The following KDM4B variants were observed in gnomAD, a reference collection of about 807,000 sequenced individuals.
The protein encoded by KDM4B is lysine demethylase 4B, also known as lysine-specific demethylase 4B.
KDM4B carries 32 observed loss-of-function variants against 125.2 expected under a neutral mutation model. The observed-to-expected ratio is 0.26, with a 90% CI of 0.19 to 0.34. The LOEUF (loss-of-function observed/expected upper bound fraction) is 0.34, where lower values mean the gene tolerates loss of function less well. KDM4B is among the 10% of genes least tolerant of loss of function. The pLI, the probability that KDM4B is intolerant of heterozygous loss-of-function variation, is 1.00. For synonymous variants in KDM4B, 721 were observed against 677.9 expected (o/e 1.06, Z -0.99); for missense variants, 1,190 against 1,577.7 (o/e 0.75, Z 4.16).
rs142258524 is a variant in KDM4B, at chr19:5,042,415, G to A, written c.432+1164G>A. On this transcript the variant is annotated intron_variant, in intron 5 of 22. Transcript: ENST00000159111. ...CTCGGGAGGCTGAGGCAGGAGAATC[G>A]CTTGAACCCGGGAGGTGGAGGTTGC... Among the ~76,000 whole-genome samples, 1,294 of 151,940 alleles carry A rather than the reference G, an allele frequency of 8.5e-3. 18 individuals carry two copies. The highest frequency in any genetic ancestry group is 0.03 in the African/African-American group (1,236 of 41,406).
At chr19:5,100,948 C>T (rs56015842) in intron 9 of KDM4B, among the ~76,000 whole-genome samples, 42,282 of 152,000 alleles carry the variant, frequency 0.28, 6,357 homozygotes, top group East Asian at 0.68. Context: ...TGGCTGGACA[C>T]GGTGGCTCAC....
At chr19:5,148,897 C>T (rs1345664287) in intron 21 of KDM4B, among the ~76,000 whole-genome samples, 1 of 152,230 alleles carries the variant, frequency 6.6e-6, no homozygotes, top group East Asian at 1.9e-4. Flanking sequence ...AGGGTGGCAC[C>T]CATGTCCTTG....
In KDM4B at chr19:5,131,473, G is replaced by A. The variant is rs757984594; in HGVS notation, c.1713G>A (p.Thr571=). The A allele has an allele frequency of 1.8e-5, 28 of 1,598,868 alleles. No homozygotes were observed. Among genetic ancestry groups the A allele is most frequent in the East Asian group, 1.6e-4 (7 of 44,518 alleles). ...AACCAGTTTCCCCCATGGAGCTGAC[G>A]GGGCCAGAGGACGGTGCAGCCAGCA... ...WKEPVSPMEL[T]GPEDGAASSG... Residue 571 remains threonine, a synonymous_variant, in exon 12 of 23, where the codon ACG becomes ACA. Transcript: ENST00000159111.
chr19:5,068,947 C>G (rs1365909197), intron 6 of KDM4B, among the ~76,000 whole-genome samples: 2 of 152,232 alleles, frequency 1.3e-5, no homozygotes, highest in African/African-American at 4.8e-5. Flanking sequence ...CATTAATCAT[C>G]GCAGCCTTGG....
At chr19:5,032,722 CCTCA>C (rs1470400592) in intron 2 of KDM4B, 140 bp from the exon 3 acceptor site, 40 of 671,400 alleles carry the variant, frequency 6.0e-5, no homozygotes, top group Non-Finnish European at 9.0e-5. Flanking sequence ...TCTCTTCTGC[CCTCA>C]CTCAGCCGCG....
chr19:5,049,275 C>T (rs537819590), intron 6 of KDM4B, among the ~76,000 whole-genome samples: 6 of 152,214 alleles, frequency 3.9e-5, no homozygotes, highest in East Asian at 1.9e-4. Flanking sequence ...CACCTCTCCC[C>T]GAATGCCCCT....
At chr19:5,124,036 C>T (rs1415865436) in intron 11 of KDM4B, among the ~76,000 whole-genome samples, 2 of 152,014 alleles carry the variant, frequency 1.3e-5, no homozygotes, top group African/African-American at 2.4e-5. Flanking sequence ...TGGGGGGCTG[C>T]GTGGGCCACC....
intron 1 of KDM4B, among the ~76,000 whole-genome samples, chr19:4,994,283 G>C (rs968901094): frequency 6.6e-6 from 1 of 151,524 alleles, no homozygotes; most frequent in Non-Finnish European, 1.5e-5. Context: ...TCTAAAGAGT[G>C]TCCCCTGGCT....
intron 13 of KDM4B, 71 bp from the exon 14 acceptor site, chr19:5,133,812 T>G: frequency 6.6e-7 from 1 of 1,520,854 alleles, no homozygotes; most frequent in Non-Finnish European, 9.1e-7. Flanking sequence ...CCCTGGGCAG[T>G]TGGGGTGATT....
intron 9 of KDM4B, among the ~76,000 whole-genome samples, chr19:5,090,065 C>T (rs1003616743): frequency 2.0e-5 from 3 of 152,160 alleles, no homozygotes; most frequent in South Asian, 2.1e-4. Flanking sequence ...AGCCTGGCCC[C>T]CTTCCTCCCT....
chr19:4,994,020 G>GTTTTTTTTTTTTTTTTTTTTTTTTTTTT (rs55641886), intron 1 of KDM4B, among the ~76,000 whole-genome samples: 23 of 66,678 alleles, frequency 3.4e-4, no homozygotes, highest in South Asian at 5.7e-4. Flanking sequence ...TTTTCAGCCT[G>GTTTTTTTTTTTTTTTTTTTTTTTTTTTT]TTTTTTTTTT....
chr19:5,136,698 C>A (rs2039654621), intron 15 of KDM4B, among the ~76,000 whole-genome samples: 1 of 152,188 alleles, frequency 6.6e-6, no homozygotes, highest in Admixed American at 6.5e-5. Flanking sequence ...CGCCCCCAGC[C>A]TCTTCAGTGG....
At chr19:5,130,052 T>C (rs1428840043) in intron 11 of KDM4B, among the ~76,000 whole-genome samples, 1 of 152,196 alleles carries the variant, frequency 6.6e-6, no homozygotes, top group Non-Finnish European at 1.5e-5. Context: ...TAGAGGCCCC[T>C]GCATCCCTCA....
chr19:5,096,732 G>A (rs2038832826), intron 9 of KDM4B, among the ~76,000 whole-genome samples: 1 of 149,048 alleles, frequency 6.7e-6, no homozygotes, highest in African/African-American at 2.5e-5. Context: ...GGTGGAGGAA[G>A]TGTCCCGCGG....
At position 4,971,515 on chromosome 19, in the gene KDM4B, G is replaced by T. The variant is rs2034258380; in HGVS notation, c.-109+2285G>T. Among the ~76,000 whole-genome samples, 1 of 152,170 alleles carries T rather than the reference G, an allele frequency of 6.6e-6. No individual in the cohort carries two copies. The highest frequency in any genetic ancestry group is 2.1e-4 in the South Asian group (1 of 4,830). The stretch of plus-strand genomic sequence containing the variant: ...AGCTCTGGGGAAGCCATCTGTCCTC[G>T]GTTCCATCTGACACCTGTGGGGACG... On this transcript the variant is annotated intron_variant, in intron 1 of 22. Coordinates refer to ENST00000159111, the MANE Select transcript of KDM4B (RefSeq NM_015015.3). This position sits in a 1 kb window ranked among gnomAD's most constrained non-coding sequence, Gnocchi z 4.1.
chr19:5,040,019 G>T lies in KDM4B; in HGVS notation c.317+8G>T. 15 of 1,604,908 alleles carry T rather than the reference G, an allele frequency of 9.3e-6. No individual in the cohort carries two copies. The highest frequency in any genetic ancestry group is 1.2e-5 in the Non-Finnish European group (14 of 1,174,454). On this transcript the variant is annotated splice_region_variant and intron_variant, in intron 4 of 22. Coordinates refer to ENST00000159111, the MANE Select transcript of KDM4B (RefSeq NM_015015.3). The stretch of plus-strand genomic sequence containing the variant: ...CCTGGCCAACAGCGAGAAGTACGCG[G>T]GGCGGGCAGGGCGGACCTGACCCCC...
intron 11 of KDM4B, among the ~76,000 whole-genome samples, chr19:5,127,926 C>CA (rs1189798235): frequency 1.3e-5 from 2 of 150,488 alleles, no homozygotes; most frequent in East Asian, 4.0e-4. Context: ...GGGGACTCCC[C>CA]AGGGACCCTC....
rs1003593804 is a variant in KDM4B at position 5,035,549 on chromosome 19, G to T, written c.141+2518G>T. Among the ~76,000 whole-genome samples the T allele has an allele frequency of 6.6e-6, 1 of 152,000 alleles. No homozygotes were observed. Among genetic ancestry groups the T allele is most frequent in the Non-Finnish European group, 1.5e-5 (1 of 67,982 alleles). ...TGTCCTCCCCCGCGCTGGCACCTCC[G>T]CTTCGTCCCTCCCTCCCTCTGCCTC... On this transcript the variant is annotated intron_variant, in intron 3 of 22. Coordinates refer to ENST00000159111, the MANE Select transcript of KDM4B (RefSeq NM_015015.3). The surrounding 1 kb of genome is among the most constrained non-coding windows in gnomAD (Gnocchi z 5.3).
intron 6 of KDM4B, among the ~76,000 whole-genome samples, chr19:5,059,929 C>T (rs1343638955): frequency 2.6e-5 from 4 of 152,254 alleles, no homozygotes; most frequent in African/African-American, 9.6e-5. Flanking sequence ...GGCTCACTCC[C>T]ACCACGGGCA....
Sources: gnomAD v4.1 joint callset for allele counts (sites outside exome capture counted in the v4.1 genomes callset) on GRCh38, gnomAD v4.1.1 for gene constraint, Gnocchi (gnomAD v3.1) non-coding constraint, MANE v1.5 for transcripts, NCBI Gene and HGNC (gene_info 2026-07-23, HGNC 2026-07-21) for gene names.